SPATA16: variants seen among roughly 807,000 people sequenced by gnomAD.
SPATA16 encodes the protein spermatogenesis-associated protein 16.
Under a neutral mutation model 63.3 loss-of-function variants are expected in SPATA16, and 36 were observed. The ratio of observed to expected loss-of-function variants is 0.57; its 90% CI spans 0.44 to 0.75. The LOEUF is 0.75. Among genes scored for constraint, SPATA16 ranks in the 30% least tolerant of loss-of-function variants. The pLI, the probability that SPATA16 is intolerant of heterozygous loss-of-function variation, is 0.00. For synonymous variants in SPATA16, 203 were observed against 216.7 expected (o/e 0.94, Z 0.56); for missense variants, 646 against 679.3 (o/e 0.95, Z 0.54).
intron 6 of SPATA16, among the ~76,000 whole-genome samples, chr3:172,934,315 C>T (rs1280436822): frequency 6.6e-6 from 1 of 151,584 alleles, no homozygotes; most frequent in African/African-American, 2.4e-5. Context: ...AATGACTTGC[C>T]CTACATAAAT....
At chr3:173,095,021 G>A (rs1044836625) in intron 2 of SPATA16, among the ~76,000 whole-genome samples, 2 of 152,064 alleles carry the variant, frequency 1.3e-5, no homozygotes, top group Non-Finnish European at 2.9e-5. Flanking sequence ...TGCTAAATAG[G>A]CATTGTTATA....
chr3:172,977,209 G>A (rs1734183339), intron 4 of SPATA16, among the ~76,000 whole-genome samples, 157 bp from the exon 5 acceptor site: 1 of 152,150 alleles, frequency 6.6e-6, no homozygotes, highest in Non-Finnish European at 1.5e-5. Context: ...ACATTTTAGA[G>A]TGTTGAAAGT....
At chr3:173,099,214 A>C (rs1409328613) in intron 2 of SPATA16, among the ~76,000 whole-genome samples, 1 of 152,078 alleles carries the variant, frequency 6.6e-6, no homozygotes, top group Non-Finnish European at 1.5e-5. Flanking sequence ...GTACAGTACC[A>C]TAGGATATTT....
Position 173,117,580 on chromosome 3 carries a change from C to T in SPATA16, c.152G>A (p.Cys51Tyr). ...TGTGATTTCTACCTGTTTACCTCCA[C>T]AGTTTTTCTTAATCTCTTGTGACAT... is the stretch of plus-strand genomic sequence containing the variant. ...LEMSQEIKKN[C>Y]GGKQVEITLE... is the part of the protein sequence containing the mutation. Residue 51 changes from cysteine to tyrosine, a missense_variant, in exon 2 of 11, where the codon TGT becomes TAT. By Grantham distance (194) the Cys-to-Tyr change is radical (BLOSUM62 -2). Transcript: ENST00000351008. 6.2e-7 allele frequency: 1 copy of T among 1,613,666 alleles called. No individual in the cohort carries two copies. The highest frequency in any genetic ancestry group is 8.5e-7 in the Non-Finnish European group (1 of 1,179,788).
intron 4 of SPATA16, among the ~76,000 whole-genome samples, chr3:172,987,216 C>T (rs16846373): frequency 0.044 from 6,750 of 152,270 alleles, 492 homozygotes; most frequent in African/African-American, 0.15. Context: ...TGAAGCCAAC[C>T]GTGTAACTCT....
At chr3:173,129,348 C>T (rs1038084237) in intron 1 of SPATA16, among the ~76,000 whole-genome samples, 2 of 152,086 alleles carry the variant, frequency 1.3e-5, no homozygotes, top group Admixed American at 1.3e-4. Flanking sequence ...AAACTTTCAG[C>T]CAGATTACTT....
chr3:173,067,145 A>T (rs1444909251), intron 2 of SPATA16, among the ~76,000 whole-genome samples: 1 of 152,082 alleles, frequency 6.6e-6, no homozygotes, highest in Non-Finnish European at 1.5e-5. Context: ...AATAAAAATG[A>T]ATGAAGCGGA....
At chr3:172,999,147 A>C (rs561665779) in intron 4 of SPATA16, among the ~76,000 whole-genome samples, 2 of 152,252 alleles carry the variant, frequency 1.3e-5, no homozygotes, top group South Asian at 4.1e-4. Flanking sequence ...GTTAGAATTA[A>C]CCAGTGAACC....
chr3:173,020,168 G>C (rs1206629324), intron 3 of SPATA16, among the ~76,000 whole-genome samples: 2 of 152,006 alleles, frequency 1.3e-5, no homozygotes, highest in East Asian at 1.9e-4. Flanking sequence ...ATGGTGGCAG[G>C]CGCCTGTAAT....
intron 6 of SPATA16, among the ~76,000 whole-genome samples, chr3:172,940,809 CT>C (rs1733127179): frequency 6.6e-6 from 1 of 152,084 alleles, no homozygotes; most frequent in South Asian, 2.1e-4. Flanking sequence ...ATGGAGAAAC[CT>C]TGTCTCTACT....
chr3:173,065,276 G>C (rs1039080853), intron 2 of SPATA16, among the ~76,000 whole-genome samples: 3 of 149,636 alleles, frequency 2.0e-5, no homozygotes, highest in Non-Finnish European at 4.4e-5. Flanking sequence ...TTTTTTTAAA[G>C]AACATCTTGA....
At chr3:172,956,655 A>T (rs377088060) in intron 6 of SPATA16, 22 bp downstream of exon 6, 2 of 1,606,894 alleles carry the variant, frequency 1.2e-6, no homozygotes, top group South Asian at 2.2e-5. Context: ...TCAGCTGATA[A>T]CTTGAAGATA....
chr3:172,960,085 A>G (rs1308005143), intron 5 of SPATA16, among the ~76,000 whole-genome samples: 1 of 152,062 alleles, frequency 6.6e-6, no homozygotes, highest in Non-Finnish European at 1.5e-5. Context: ...AGACATTAAA[A>G]TATAAAAGAT....
intron 2 of SPATA16, among the ~76,000 whole-genome samples, chr3:173,114,752 C>T (rs970736918): frequency 6.6e-6 from 1 of 152,210 alleles, no homozygotes; most frequent in African/African-American, 2.4e-5. Context: ...TTATTCAAAG[C>T]CATGTTAGGA....
intron 1 of SPATA16, among the ~76,000 whole-genome samples, chr3:173,124,820 T>C (rs1207001752): frequency 1.3e-5 from 2 of 152,148 alleles, no homozygotes; most frequent in African/African-American, 4.8e-5. Flanking sequence ...GGATTGGCTG[T>C]TCCTTTTCTC....
At chr3:172,916,062 CTCTT>C (rs1485427287) in intron 9 of SPATA16, among the ~76,000 whole-genome samples, 2 of 152,092 alleles carry the variant, frequency 1.3e-5, no homozygotes, top group Admixed American at 6.5e-5. Context: ...AATAACCAGC[CTCTT>C]TCTATGTTTT....
At chr3:172,957,004 T>C (rs988463860) in intron 5 of SPATA16, among the ~76,000 whole-genome samples, 180 bp from the exon 6 acceptor site, 1 of 152,176 alleles carries the variant, frequency 6.6e-6, no homozygotes, top group African/African-American at 2.4e-5. Flanking sequence ...GAAATACTAT[T>C]TCATATTAAG....
At chr3:172,916,586 A>G (rs991419584) in intron 8 of SPATA16, 105 bp from the exon 9 acceptor site, 2 of 1,248,780 alleles carry the variant, frequency 1.6e-6, no homozygotes, top group East Asian at 2.3e-5. Context: ...ATCTTTTGAA[A>G]TAACGGAATC....
chr3:173,010,659 G>A (rs768200475), intron 4 of SPATA16, among the ~76,000 whole-genome samples: 5 of 152,040 alleles, frequency 3.3e-5, no homozygotes, highest in Non-Finnish European at 5.9e-5. Flanking sequence ...GCTTGACTCC[G>A]TGCCCCTTCC....
Sources: gnomAD v4.1 joint callset for allele counts (sites outside exome capture counted in the v4.1 genomes callset) on GRCh38, gnomAD v4.1.1 for gene constraint, MANE v1.5 for transcripts, NCBI Gene and HGNC (gene_info 2026-07-23, HGNC 2026-07-21) for gene names.